Variants in PCDH15 observed in about 807,000 individuals in gnomAD.
PCDH15 encodes the protein protocadherin-15.
PCDH15 carries 129 observed loss-of-function variants against 178.5 expected under a neutral mutation model. The observed-to-expected ratio is 0.72, with a 90% CI of 0.63 to 0.84. PCDH15 has a LOEUF of 0.84. PCDH15 is among the 40% of genes least tolerant of loss of function. PCDH15 has a pLI of 0.00. For synonymous variants in PCDH15, 800 were observed against 732.0 expected (o/e 1.09, Z -1.50); for missense variants, 2,230 against 2,099.9 (o/e 1.06, Z -1.21).
intron 2 of PCDH15, among the ~76,000 whole-genome samples, chr10:55,090,502 T>G (rs1158360438): frequency 6.6e-6 from 1 of 152,010 alleles, no homozygotes. Context: ...GTTGTGGCTG[T>G]AGGGAGCAGC....
chr10:53,951,041 T>G (rs1402388528), intron 23 of PCDH15, among the ~76,000 whole-genome samples: 3 of 152,198 alleles, frequency 2.0e-5, no homozygotes, highest in Non-Finnish European at 4.4e-5. Flanking sequence ...AGGAGTCAAG[T>G]ATTGAAATGA....
At chr10:54,371,641 T>C (rs2134786609) in intron 4 of PCDH15, among the ~76,000 whole-genome samples, 1 of 151,974 alleles carries the variant, frequency 6.6e-6, no homozygotes, top group Middle Eastern at 3.4e-3. Context: ...CAAATAATTA[T>C]GTGCCTCTAT....
chr10:54,510,913 G>T (rs1280737070), intron 3 of PCDH15, among the ~76,000 whole-genome samples: 1 of 152,096 alleles, frequency 6.6e-6, no homozygotes, highest in Non-Finnish European at 1.5e-5. Context: ...ACTAAAGAGG[G>T]AGAAGTGTAT....
intron 2 of PCDH15, among the ~76,000 whole-genome samples, chr10:55,130,651 A>G (rs1293247854): frequency 6.6e-6 from 1 of 150,508 alleles, no homozygotes; most frequent in African/African-American, 2.4e-5. Flanking sequence ...CTTTAAACCT[A>G]TGGCTTAACA....
chr10:54,800,505 C>G (rs954863824), intron 1 of PCDH15, among the ~76,000 whole-genome samples: 9 of 152,170 alleles, frequency 5.9e-5, no homozygotes, highest in Non-Finnish European at 1.2e-4. Context: ...GCAACAACCA[C>G]TCATAAAACA....
chr10:54,337,788 A>G (rs1941474221), intron 6 of PCDH15, among the ~76,000 whole-genome samples: 1 of 152,152 alleles, frequency 6.6e-6, no homozygotes, highest in African/African-American at 2.4e-5. Flanking sequence ...ATCTGTTTTG[A>G]CCAATCAGAA....
At chr10:54,876,183 C>T (rs1954139916) in intron 3 of PCDH15, among the ~76,000 whole-genome samples, 1 of 152,244 alleles carries the variant, frequency 6.6e-6, no homozygotes, top group South Asian at 2.1e-4. Flanking sequence ...GATGACAACA[C>T]ATCCTTCCAC....
Position 54,325,487 on chromosome 10 carries a change from G to A in PCDH15, c.705+4109C>T, listed in dbSNP as rs1050273417. 4.3e-4 allele frequency among the ~76,000 whole-genome samples: 66 copies of A among 152,004 alleles called. 1 individual carries two copies. The highest frequency in any genetic ancestry group is 1.3e-4 in the Admixed American group (2 of 15,224). On this transcript the variant is annotated intron_variant, in intron 7 of 37. Coordinates refer to ENST00000644397, the MANE Select transcript of PCDH15 (RefSeq NM_001384140.1). ...ACCACTGCCAGGTGCAGTGGCTCAT[G>A]CGTGTAATCCCAACACTTTGGGAGG...
chr10:53,866,611 A>T, intron 27 of PCDH15, 31 bp downstream of exon 27: 1 of 1,551,050 alleles, frequency 6.4e-7, no homozygotes, highest in Non-Finnish European at 8.9e-7. Flanking sequence ...TATCGTAGCT[A>T]CTTCCCTTTC....
chr10:54,472,142 T>C (rs1425041029), intron 3 of PCDH15, among the ~76,000 whole-genome samples: 2 of 152,162 alleles, frequency 1.3e-5, no homozygotes, highest in African/African-American at 4.8e-5. Flanking sequence ...TGTGTCCTTT[T>C]TGAAAACAAA....
chr10:53,822,215 G>A (rs2076319453), intron 32 of PCDH15: 1 of 1,613,924 alleles, frequency 6.2e-7, no homozygotes, highest in African/African-American at 1.3e-5. Context: ...CACACTCTGT[G>A]GACAGAAATG....
At chr10:55,262,709 C>A (rs1842177654) in intron 1 of PCDH15, among the ~76,000 whole-genome samples, 1 of 152,162 alleles carries the variant, frequency 6.6e-6, no homozygotes, top group Non-Finnish European at 1.5e-5. Flanking sequence ...CTGCTGAGAG[C>A]TACTTTCACT....
At chr10:54,831,431 C>T (rs1214410805) in intron 3 of PCDH15, among the ~76,000 whole-genome samples, 2 of 151,998 alleles carry the variant, frequency 1.3e-5, no homozygotes, top group Non-Finnish European at 2.9e-5. Context: ...TCTAAACAGT[C>T]ACATTATTTT....
intron 2 of PCDH15, among the ~76,000 whole-genome samples, chr10:55,341,796 TATATATA>T (rs1476491736): frequency 8.7e-3 from 113 of 13,054 alleles, no homozygotes; most frequent in African/African-American, 0.024. Flanking sequence ...TATATATATA[TATATATA>T]TATTTTTTTT....
intron 2 of PCDH15, among the ~76,000 whole-genome samples, chr10:55,080,509 C>T (rs1279857959): frequency 2.6e-5 from 4 of 152,098 alleles, no homozygotes; most frequent in African/African-American, 9.7e-5. Context: ...GCTGTGTGAG[C>T]AGGGTTGGCA....
In PCDH15 at chr10:54,434,463, T is replaced by A. The variant is rs536033092; in HGVS notation, c.158-55521A>T. Reference sequence around the variant, plus strand: ...GTATTTTTATCATAACTTTTCCATGTTTAGATAATCAAATATTTTCCATTG... The same window carrying A: ...GTATTTTTATCATAACTTTTCCATGATTAGATAATCAAATATTTTCCATTG... On this transcript the variant is annotated intron_variant, in intron 3 of 37. Coordinates refer to ENST00000644397, the MANE Select transcript of PCDH15 (RefSeq NM_001384140.1). Among the ~76,000 whole-genome samples the A allele has an allele frequency of 3.3e-5, 5 of 152,336 alleles. No individual in the cohort carries two copies. In the East Asian group the frequency reaches 9.6e-4, roughly 29 times the overall value.
chr10:54,430,376 A>G (rs2135988117), intron 3 of PCDH15, among the ~76,000 whole-genome samples: 1 of 152,252 alleles, frequency 6.6e-6, no homozygotes, highest in East Asian at 1.9e-4. Flanking sequence ...TTTTCTCTTC[A>G]GCACATGGAA....
chr10:54,868,774 G>A (rs554053862), intron 3 of PCDH15, among the ~76,000 whole-genome samples: 122 of 152,094 alleles, frequency 8.0e-4, no homozygotes, highest in African/African-American at 2.8e-3. Flanking sequence ...TTTGGAAACA[G>A]CTATGTAGCA....
chr10:54,656,423 A>T (rs2094408331), intron 2 of PCDH15, among the ~76,000 whole-genome samples: 1 of 152,136 alleles, frequency 6.6e-6, no homozygotes, highest in Non-Finnish European at 1.5e-5. Context: ...TTCTACCCTC[A>T]CAATCCTGGG....
Sources: gnomAD v4.1 joint callset for allele counts (sites outside exome capture counted in the v4.1 genomes callset) on GRCh38, gnomAD v4.1.1 for gene constraint, MANE v1.5 for transcripts, NCBI Gene and HGNC (gene_info 2026-07-23, HGNC 2026-07-21) for gene names.